TMEM40: variants seen among roughly 807,000 people sequenced by gnomAD.
TMEM40 encodes the protein transmembrane protein 40.
TMEM40 carries 34 observed loss-of-function variants against 40.8 expected under a neutral mutation model. That is an observed-to-expected ratio of 0.83 (90% confidence interval 0.63 to 1.11). TMEM40 has a LOEUF of 1.11. Ranked by LOEUF, TMEM40 falls within the 50% of genes least tolerant of loss-of-function variation. TMEM40 has a pLI of 0.00. For synonymous variants in TMEM40, 106 were observed against 107.0 expected (o/e 0.99, Z 0.06); for missense variants, 296 against 280.2 (o/e 1.06, Z -0.40).
At chr3:12,761,549 T>C (rs1010449894), upstream of TMEM40, among the ~76,000 whole-genome samples, 6 of 151,280 alleles carry the variant, frequency 4.0e-5, no homozygotes, top group African/African-American at 1.2e-4. Flanking sequence ...GAGGTTTCAG[T>C]GAGCAGAGAT....
At chr3:12,743,838 C>A in intron 4 of TMEM40, 62 bp downstream of exon 4, 1 of 1,509,912 alleles carries the variant, frequency 6.6e-7, no homozygotes, top group Non-Finnish European at 9.2e-7. Context: ...CACTTCAGTC[C>A]CACGGAGAAA....
intron 1 of TMEM40, among the ~76,000 whole-genome samples, chr3:12,757,921 C>T (rs2061541159): frequency 1.3e-5 from 2 of 152,038 alleles, no homozygotes; most frequent in South Asian, 4.1e-4. Context: ...AGGCTGGTCT[C>T]GAACTCCTGA....
intron 3 of TMEM40, among the ~76,000 whole-genome samples, chr3:12,747,214 A>G (rs369541191): frequency 1.3e-5 from 2 of 151,194 alleles, no homozygotes; most frequent in Admixed American, 6.6e-5. Flanking sequence ...TCCAGCCCAG[A>G]GACCTTTCAT....
Position 12,749,750 on chromosome 3 carries a change from G to T in TMEM40, c.73+10C>A. 1 of 1,612,850 alleles carries T rather than the reference G, an allele frequency of 6.2e-7. No homozygotes were observed. The highest frequency in any genetic ancestry group is 8.5e-7 in the Non-Finnish European group (1 of 1,179,682). On this transcript the variant is annotated intron_variant, in intron 2 of 11. Transcript: ENST00000314124. ...GGTTTTGCCCAGAGGGTCAGAGAAG[G>T]CAAACGTACAGTCTACATCTTCTGT...
At position 12,734,661 on chromosome 3, in the gene TMEM40, G is replaced by C. The variant is rs2061325139; in HGVS notation, c.*113C>G. 2.5e-6 allele frequency: 3 copies of C among 1,214,376 alleles called. No individual in the cohort carries two copies. Among genetic ancestry groups the C allele is most frequent in the South Asian group, 1.3e-5 (1 of 76,572 alleles). 75.2% of individuals were successfully genotyped at this position (1,214,376 alleles called of 1,614,324 possible). A position where few individuals can be genotyped will look rare whatever the true frequency, so the allele number is the denominator to read the frequency against. ...GGAAGGAAAAGTGTTCTGTTTATTG[G>C]TCTGGCTTGGTCTCCTGTGCGTCTC... On this transcript the variant is annotated 3_prime_UTR_variant, in exon 12 of 12. Transcript: ENST00000314124.
rs1462592681 is a variant in TMEM40, at chr3:12,733,765, T to C, written c.*1009A>G. 6.6e-6 allele frequency: 1 copy of C among 152,120 alleles called. No homozygotes were observed. The highest frequency in any genetic ancestry group is 1.9e-4 in the East Asian group (1 of 5,190). The allele number at this position is 152,120 out of a possible 1,614,324, so 9.4% of individuals were successfully genotyped here. On this transcript the variant is annotated 3_prime_UTR_variant, in exon 12 of 12. Transcript: ENST00000314124. ...ATGTATTGTATACTTTGCAAATTGC[T>C]GACAGTAGGTTTTTACTGTTCTCAT...
In TMEM40 at chr3:12,749,768, T is replaced by A; in HGVS notation, c.65A>T (p.Asp22Val). 1 of 1,614,040 alleles carries A rather than the reference T, an allele frequency of 6.2e-7. No homozygotes were observed. The highest frequency in any genetic ancestry group is 8.5e-7 in the Non-Finnish European group (1 of 1,180,016). Residue 22 changes from aspartate (D) to valine (V), a missense_variant, in exon 2 of 12, where the codon GAT becomes GTT. By Grantham distance (152) the Asp-to-Val change is radical. Transcript: ENST00000314124. ...AGAGAAGGCAAACGTACAGTCTACA[T>A]CTTCTGTTTCTCTGTGGACTTGACT... is the stretch of plus-strand genomic sequence containing the variant. ...DNSQVHRETE[D>V]VDYGETDFHK...
At chr3:12,760,532 G>C (rs9869933), upstream of TMEM40, among the ~76,000 whole-genome samples, 7,351 of 151,458 alleles carry the variant, frequency 0.049, 477 homozygotes, top group African/African-American at 0.14. Flanking sequence ...CTGGCCCCCC[G>C]CTCACTTCAG....
intron 3 of TMEM40, among the ~76,000 whole-genome samples, chr3:12,746,872 A>C (rs1308967525): frequency 6.6e-6 from 1 of 152,120 alleles, no homozygotes; most frequent in Non-Finnish European, 1.5e-5. Context: ...TTGAGAGACA[A>C]CCAGAACCAG....
At chr3:12,755,758 GC>G (rs1330095949) in intron 1 of TMEM40, among the ~76,000 whole-genome samples, 1 of 152,194 alleles carries the variant, frequency 6.6e-6, no homozygotes, top group Admixed American at 6.5e-5. Context: ...CCAGTGGGGA[GC>G]CCCACAAGGC....
intron 5 of TMEM40, among the ~76,000 whole-genome samples, chr3:12,740,670 C>T (rs2061375150): frequency 6.6e-6 from 1 of 151,778 alleles, no homozygotes; most frequent in South Asian, 2.1e-4. Context: ...CCAGCTTGGG[C>T]CACAGGGTAA....
chr3:12,758,086 A>C (rs1229746527), intron 1 of TMEM40, among the ~76,000 whole-genome samples: 1 of 151,944 alleles, frequency 6.6e-6, no homozygotes, highest in African/African-American at 2.4e-5. Flanking sequence ...AAAAAAAAGA[A>C]AGAAAGAAAA....
At chr3:12,757,324 C>T (rs576558217) in intron 1 of TMEM40, among the ~76,000 whole-genome samples, 95 of 152,156 alleles carry the variant, frequency 6.2e-4, no homozygotes, top group Non-Finnish European at 1.1e-3. Context: ...ACAAAATTAG[C>T]TGGGCATGGT....
chr3:12,738,902 A>C (rs1205857873), intron 5 of TMEM40: 19 of 320,532 alleles, frequency 5.9e-5, no homozygotes, highest in South Asian at 2.1e-4. Context: ...TGCCTGTAAT[A>C]CCAGCACTTT....
intron 1 of TMEM40, among the ~76,000 whole-genome samples, chr3:12,755,128 T>C (rs1411403236): frequency 2.6e-5 from 4 of 151,106 alleles, no homozygotes; most frequent in Non-Finnish European, 4.4e-5. Flanking sequence ...TTTCTATTCT[T>C]TTCTTTTCTT....
chr3:12,755,233 C>CTCTCTCTGTCTTTCTTTCTTTCTT lies in TMEM40; in HGVS notation c.-9+3957_-9+3958insAAGAAAGAAAGAAAGACAGAGAGA, dbSNP rs1553634013. On this transcript the variant is annotated intron_variant, in intron 1 of 11. Transcript: ENST00000314124. ...TTTCTTTCTCTCTCTCTCTCTCTCT[C>CTCTCTCTGTCTTTCTTTCTTTCTT]TCTTTCTTTCTTTCTTTCTTTCTTT... 1.0e-3 allele frequency among the ~76,000 whole-genome samples: 62 copies of CTCTCTCTGTCTTTCTTTCTTTCTT among 59,964 alleles called. 1 individual carries two copies. The highest frequency in any genetic ancestry group is 3.8e-3 in the African/African-American group (53 of 14,066). The allele number at this position is 59,964 out of a possible 152,430, so 39.3% of individuals were successfully genotyped here.
chr3:12,740,456 C>T lies in TMEM40; in HGVS notation c.356-1868G>A, dbSNP rs990001436. The stretch of plus-strand genomic sequence containing the variant: ...GTGGCTCACGCCTCTAATCCCAGCA[C>T]TTTGGGAGGCCGAGGCGGGTGGATC... On this transcript the variant is annotated intron_variant, in intron 5 of 11. Coordinates refer to ENST00000314124, the MANE Select transcript of TMEM40 (RefSeq NM_018306.4). Among the ~76,000 whole-genome samples the T allele has an allele frequency of 2.2e-4, 33 of 147,030 alleles. No homozygotes were observed. The East Asian group carries it at 5.3e-3, about 24-fold the overall frequency.
At chr3:12,758,868 T>C (rs898160120) in intron 1 of TMEM40, among the ~76,000 whole-genome samples, 4 of 152,056 alleles carry the variant, frequency 2.6e-5, no homozygotes, top group Non-Finnish European at 4.4e-5. Context: ...ATTTTACAAG[T>C]AGGGAAACTG....
At chr3:12,750,492 C>T (rs953080034) in intron 1 of TMEM40, among the ~76,000 whole-genome samples, 2 of 152,230 alleles carry the variant, frequency 1.3e-5, no homozygotes, top group African/African-American at 4.8e-5. Context: ...TCTGTTATAG[C>T]AGCTGAGCCA....
Sources: gnomAD v4.1 joint callset for allele counts (sites outside exome capture counted in the v4.1 genomes callset) on GRCh38, gnomAD v4.1.1 for gene constraint, MANE v1.5 for transcripts, NCBI Gene and HGNC (gene_info 2026-07-23, HGNC 2026-07-21) for gene names.